MTUS2: variants seen among roughly 807,000 people sequenced by gnomAD.
MTUS2 encodes microtubule-associated tumor suppressor candidate 2.
In MTUS2, 40 loss-of-function variants were observed where a neutral mutation model predicts 114.1. The observed-to-expected ratio is 0.35, with a 90% CI of 0.27 to 0.46. The LOEUF (loss-of-function observed/expected upper bound fraction) is 0.46. Among genes scored for constraint, MTUS2 ranks in the 20% least tolerant of loss-of-function variants. MTUS2 has a pLI of 1.00. For synonymous variants in MTUS2, 688 were observed against 672.0 expected (o/e 1.02, Z -0.37); for missense variants, 1,679 against 1,705.4 (o/e 0.98, Z 0.27).
chr13:29,463,700 A>G (rs1879681854), intron 9 of MTUS2, among the ~76,000 whole-genome samples: 1 of 152,166 alleles, frequency 6.6e-6, no homozygotes, highest in African/African-American at 2.4e-5. Context: ...TGGGCAAAGA[A>G]AAGGGAGCCT....
intron 5 of MTUS2, among the ~76,000 whole-genome samples, chr13:29,260,964 A>G (rs1422898632): frequency 6.6e-6 from 1 of 152,182 alleles, no homozygotes; most frequent in Non-Finnish European, 1.5e-5. Flanking sequence ...TATCTGGTCC[A>G]AGATGTGGGT....
Position 29,480,120 on chromosome 13 carries a change from T to G in MTUS2, c.3185-30T>G. ...TTCCCATGCCTCCTACGGCCATTTT[T>G]TAAAGAAAGATCTTGTGCTTTGCGC... On this transcript the variant is annotated intron_variant, in intron 9 of 15. Transcript: ENST00000612955. The surrounding 1 kb of genome is among the most constrained non-coding windows in gnomAD (Gnocchi z 4.4). 2 of 1,549,694 alleles carry G rather than the reference T, an allele frequency of 1.3e-6. No homozygotes were observed. The highest frequency in any genetic ancestry group is 1.7e-6 in the Non-Finnish European group (2 of 1,145,686).
At chr13:28,930,786 G>A (rs1881574077) in intron 2 of MTUS2, among the ~76,000 whole-genome samples, 2 of 152,172 alleles carry the variant, frequency 1.3e-5, no homozygotes, top group Non-Finnish European at 2.9e-5. Context: ...GGTGGTTAGT[G>A]TTAGTCCCCA....
At chr13:29,084,784 C>G (rs913165368) in intron 4 of MTUS2, among the ~76,000 whole-genome samples, 1 of 110,346 alleles carries the variant, frequency 9.1e-6, no homozygotes, top group Admixed American at 8.7e-5. Flanking sequence ...GTGATCCACC[C>G]CCCCCCCTCA....
chr13:29,267,494 C>T (rs1376275532), intron 5 of MTUS2, among the ~76,000 whole-genome samples: 2 of 152,334 alleles, frequency 1.3e-5, no homozygotes, highest in African/African-American at 4.8e-5. Context: ...CCCACATTTT[C>T]CCTGTGTCCC....
intron 5 of MTUS2, among the ~76,000 whole-genome samples, chr13:29,223,619 C>G (rs1895992763): frequency 6.6e-6 from 1 of 152,230 alleles, no homozygotes; most frequent in Non-Finnish European, 1.5e-5. Flanking sequence ...TCCACCTCTC[C>G]ATGAGCCTCA....
intron 2 of MTUS2, among the ~76,000 whole-genome samples, chr13:28,860,777 C>T (rs905789896): frequency 2.0e-5 from 3 of 152,182 alleles, no homozygotes; most frequent in Non-Finnish European, 1.5e-5. Flanking sequence ...CTCCTCCTGT[C>T]ACGCTCAGTT....
intron 8 of MTUS2, among the ~76,000 whole-genome samples, chr13:29,425,894 G>A (rs1017333378): frequency 6.6e-6 from 1 of 151,880 alleles, no homozygotes; most frequent in Non-Finnish European, 1.5e-5. Context: ...TCTCCTGTGA[G>A]CAACTGGTTA....
At chr13:29,453,909 A>G (rs897148758) in intron 9 of MTUS2, among the ~76,000 whole-genome samples, 1 of 152,158 alleles carries the variant, frequency 6.6e-6, no homozygotes, top group Non-Finnish European at 1.5e-5. Context: ...TGTCTAAGCC[A>G]TTAAGAATTA....
At chr13:29,173,413 A>C (rs1893642377) in intron 5 of MTUS2, among the ~76,000 whole-genome samples, 1 of 152,162 alleles carries the variant, frequency 6.6e-6, no homozygotes, top group Admixed American at 6.6e-5. Flanking sequence ...AATAAGCTAC[A>C]ATTCAGAAGT....
chr13:29,421,085 G>T (rs748314289), intron 8 of MTUS2, among the ~76,000 whole-genome samples: 2 of 152,056 alleles, frequency 1.3e-5, no homozygotes, highest in African/African-American at 2.4e-5. Context: ...TCTAAATCCT[G>T]GTTATTATAT....
chr13:29,295,580 A>G (rs1898905306), intron 6 of MTUS2, among the ~76,000 whole-genome samples: 1 of 152,240 alleles, frequency 6.6e-6, no homozygotes, highest in Admixed American at 6.5e-5. Context: ...AAGCTCATCC[A>G]TGTTGCTGCA....
In MTUS2 at chr13:29,480,025, T is replaced by G. The variant is rs1162332256; in HGVS notation, c.3185-125T>G. 1.1e-6 allele frequency: 1 copy of G among 896,890 alleles called. No homozygotes were observed. The highest frequency in any genetic ancestry group is 1.7e-5 in the South Asian group (1 of 58,942). The allele number at this position is 896,890 out of a possible 1,614,324, so 55.6% of individuals were successfully genotyped here. A position where few individuals can be genotyped will look rare whatever the true frequency, so the allele number is the denominator to read the frequency against. Reference sequence around the variant, plus strand: ...AAGCACTTTACAAACTGTGTAGCCCTGCAGAAGTCAGAGGACCTCGCCCTG... The same window carrying G: ...AAGCACTTTACAAACTGTGTAGCCCGGCAGAAGTCAGAGGACCTCGCCCTG... On this transcript the variant is annotated intron_variant, in intron 9 of 15. Transcript: ENST00000612955. This position sits in a 1 kb window ranked among gnomAD's most constrained non-coding sequence, Gnocchi z 4.4.
At chr13:28,948,761 CAG>C (rs1356973203) in intron 2 of MTUS2, among the ~76,000 whole-genome samples, 2 of 152,134 alleles carry the variant, frequency 1.3e-5, no homozygotes, top group Non-Finnish European at 2.9e-5. Flanking sequence ...AGCAGGGGAA[CAG>C]GGGTGGGGAA....
chr13:29,447,339 G>GCA (rs56680153), intron 9 of MTUS2, among the ~76,000 whole-genome samples: 17,309 of 152,120 alleles, frequency 0.11, 1,585 homozygotes, highest in African/African-American at 0.26. Flanking sequence ...AGCAGTTGCA[G>GCA]CAGTTTCTAG....
chr13:29,335,057 C>T (rs1335494973), intron 7 of MTUS2, among the ~76,000 whole-genome samples: 2 of 152,172 alleles, frequency 1.3e-5, no homozygotes, highest in Admixed American at 1.3e-4. Flanking sequence ...AGGGAGATAA[C>T]CTTAAAGTCT....
chr13:28,893,139 C>G (rs1346103274), intron 2 of MTUS2, among the ~76,000 whole-genome samples: 1 of 152,084 alleles, frequency 6.6e-6, no homozygotes, highest in Non-Finnish European at 1.5e-5. Flanking sequence ...TTTGGACTTT[C>G]TTCTTTAGGT....
chr13:28,888,020 C>T (rs191495702), intron 2 of MTUS2, among the ~76,000 whole-genome samples: 16 of 152,286 alleles, frequency 1.1e-4, no homozygotes, highest in Non-Finnish European at 1.8e-4. Flanking sequence ...GCCATCCAGT[C>T]GCATAGCTCT....
At chr13:29,073,776 A>G (rs1889054290) in intron 4 of MTUS2, among the ~76,000 whole-genome samples, 1 of 152,092 alleles carries the variant, frequency 6.6e-6, no homozygotes, top group East Asian at 1.9e-4. Flanking sequence ...TTTTCAGACC[A>G]AAGTTTCCTA....
Sources: gnomAD v4.1 joint callset for allele counts (sites outside exome capture counted in the v4.1 genomes callset) on GRCh38, gnomAD v4.1.1 for gene constraint, Gnocchi (gnomAD v3.1) non-coding constraint, MANE v1.5 for transcripts, NCBI Gene and HGNC (gene_info 2026-07-23, HGNC 2026-07-21) for gene names.